Variants in SARM1 observed in about 807,000 individuals in gnomAD.
The protein encoded by SARM1 is sterile alpha and TIR motif containing 1, also known as NAD(+) hydrolase SARM1.
SARM1 carries 60 observed loss-of-function variants against 65.1 expected under a neutral mutation model. That is an observed-to-expected ratio of 0.92 (90% confidence interval 0.75 to 1.14). The LOEUF is 1.14. Among genes scored for constraint, SARM1 ranks in the 50% most tolerant of loss-of-function variants. SARM1 has a pLI of 0.00. For missense variants in SARM1, 913 were observed against 1,015.7 expected (o/e 0.90, Z 1.37); for synonymous variants, 417 against 465.4 (o/e 0.90, Z 1.34).
chr17:28,385,516 G>A lies in SARM1; in HGVS notation c.1630+241G>A. ...GGCTATTAAACAGGCAAGCGGCCCC[G>A]GCAGGAAGCTACCCAGGTCTCCAGT... is the stretch of plus-strand genomic sequence containing the variant. On this transcript the variant is annotated intron_variant, in intron 5 of 8. Transcript: ENST00000585482. The surrounding 1 kb of genome is among the most constrained non-coding windows in gnomAD (Gnocchi z 4.5). 3 of 543,838 alleles carry A rather than the reference G, an allele frequency of 5.5e-6. No individual in the cohort carries two copies. The highest frequency in any genetic ancestry group is 3.2e-5 in the East Asian group (1 of 31,570). The allele number at this position is 543,838 out of a possible 1,614,324, so 33.7% of individuals were successfully genotyped here.
intron 7 of SARM1, among the ~76,000 whole-genome samples, chr17:28,391,860 AG>A (rs1417498318): frequency 6.7e-6 from 1 of 148,342 alleles, no homozygotes; most frequent in African/African-American, 2.5e-5. Flanking sequence ...TAGATTTACC[AG>A]GTTAGAGGAC....
intron 7 of SARM1, among the ~76,000 whole-genome samples, chr17:28,392,628 G>A (rs782228900): frequency 1.6e-4 from 25 of 152,168 alleles, no homozygotes; most frequent in African/African-American, 2.4e-4. Context: ...TCAGAGGACC[G>A]GCCCCTCGTG....
In SARM1 at chr17:28,396,007, C is replaced by CT. The variant is rs1555587806; in HGVS notation, c.2028dup (p.Thr677TyrfsTer17). On this transcript the variant is annotated frameshift_variant, in exon 8 of 9. Coordinates refer to ENST00000585482, the MANE Select transcript of SARM1 (RefSeq NM_015077.4). LOFTEE classifies it high-confidence loss of function. The stretch of plus-strand genomic sequence containing the variant: ...CCTGCCTGAGGACATGCAGGCTGTG[C>CT]TTACTTTCAACGGTATCAAGTGAGC... 14 of 1,613,834 alleles carry CT rather than the reference C, an allele frequency of 8.7e-6. 1 individual carries two copies. The Admixed American group carries it at 2.0e-4, about 23-fold the overall frequency.
At position 28,372,402 on chromosome 17, in the gene SARM1, G is replaced by A. The variant is rs1555584195; in HGVS notation, c.370G>A (p.Gly124Ser). The A allele has an allele frequency of 2.0e-6, 3 of 1,528,920 alleles. No individual in the cohort carries two copies. The highest frequency in any genetic ancestry group is 2.0e-5 in the Admixed American group (1 of 50,756). The allele number at this position is 1,528,920 out of a possible 1,614,324, so 94.7% of individuals were successfully genotyped here. A position where few individuals can be genotyped will look rare whatever the true frequency, so the allele number is the denominator to read the frequency against. Residue 124 changes from glycine (G) to serine (S), a missense_variant, in exon 1 of 9, where the codon GGC (glycine) becomes AGC (serine). By Grantham distance (56) the Gly-to-Ser change is moderately conservative. Around this residue, in one of 3 missense-constraint regions of SARM1, gnomAD observed 862 missense variants for 952.1 expected, o/e 0.91. Transcript: ENST00000585482. The surrounding 1 kb of genome is among the most constrained non-coding windows in gnomAD (Gnocchi z 5.2). Reference sequence around the variant, plus strand: ...TCTGTGCGACGCCATCCGCCTCGATGGCGGCCTCGACCTGCTGTTGCGGCT... The same window carrying A: ...TCTGTGCGACGCCATCCGCCTCGATAGCGGCCTCGACCTGCTGTTGCGGCT... ...QGLCDAIRLD[G>S]GLDLLLRLLQ...
Position 28,384,509 on chromosome 17 carries a change from G to A in SARM1, c.1242G>A (p.Glu414=). Residue 414 remains glutamate (E), a synonymous_variant, in exon 3 of 9, where the codon GAG becomes GAA. Transcript: ENST00000585482. This position sits in a 1 kb window ranked among gnomAD's most constrained non-coding sequence, Gnocchi z 4.4. ...PILPSVPSWK[E]AEVQTWLQQI... is the part of the protein sequence containing the mutation. ...TGCCCTCCGTGCCCAGCTGGAAGGAGGCCGAGGTTCAGACGTGGCTGCAGC... is the reference window on the plus strand; with the variant it reads ...TGCCCTCCGTGCCCAGCTGGAAGGAAGCCGAGGTTCAGACGTGGCTGCAGC... 6.2e-7 allele frequency: 1 copy of A among 1,613,562 alleles called. No individual in the cohort carries two copies. The highest frequency in any genetic ancestry group is 1.7e-4 in the Middle Eastern group (1 of 5,960).
chr17:28,383,546 G>A (rs1555585563), intron 2 of SARM1, among the ~76,000 whole-genome samples: 2 of 152,192 alleles, frequency 1.3e-5, no homozygotes, highest in African/African-American at 4.8e-5. Context: ...CTTAAAGGAA[G>A]TAGGGAGTGA....
At chr17:28,382,541 T>G (rs1271410086) in intron 2 of SARM1, among the ~76,000 whole-genome samples, 1 of 152,162 alleles carries the variant, frequency 6.6e-6, no homozygotes, top group South Asian at 2.1e-4. Context: ...GTCCAGGGCC[T>G]AATCCACCAG....
Position 28,372,420 on chromosome 17 carries a change from T to C in SARM1, c.388T>C (p.Leu130=). 1 of 1,529,940 alleles carries C rather than the reference T, an allele frequency of 6.5e-7. No homozygotes were observed. The highest frequency in any genetic ancestry group is 8.7e-7 in the Non-Finnish European group (1 of 1,144,946). 94.8% of individuals were successfully genotyped at this position (1,529,940 alleles called of 1,614,324 possible). ...CCTCGATGGCGGCCTCGACCTGCTGTTGCGGCTGCTGCAGGCGCCGGAGTT... is the reference window on the plus strand; with the variant it reads ...CCTCGATGGCGGCCTCGACCTGCTGCTGCGGCTGCTGCAGGCGCCGGAGTT... ...IRLDGGLDLL[L]RLLQAPELET... The change falls in exon 1 of 9, where the codon TTG becomes CTG. Residue 130 remains leucine (L), a synonymous_variant. Transcript: ENST00000585482. The surrounding 1 kb of genome is among the most constrained non-coding windows in gnomAD (Gnocchi z 5.2).
chr17:28,381,445 G>A lies in SARM1; in HGVS notation c.713G>A (p.Gly238Asp), dbSNP rs782567398. The A allele has an allele frequency of 1.3e-6, 2 of 1,547,284 alleles. No individual in the cohort carries two copies. Among genetic ancestry groups the A allele is most frequent in the African/African-American group, 1.4e-5 (1 of 72,990 alleles). The part of the protein sequence containing the change: ...LALGNCALHG[G>D]QAVQRRMVEK... The stretch of plus-strand genomic sequence containing the variant: ...CTGGGCAACTGCGCGCTGCACGGGG[G>A]CCAGGCGGTGCAGCGACGCATGGTA... The change falls in exon 2 of 9, where the codon GGC becomes GAC. Residue 238 changes from glycine to aspartate, a missense_variant. Physicochemically the swap from Gly to Asp is moderately conservative, Grantham distance 94. This residue lies in a region of SARM1 where 862 missense variants were observed against 952.1 expected (regional missense o/e 0.91). Transcript: ENST00000585482.
At chr17:28,391,882 T>TG (rs1356928209) in intron 7 of SARM1, among the ~76,000 whole-genome samples, 2 of 146,662 alleles carry the variant, frequency 1.4e-5, no homozygotes, top group Admixed American at 6.8e-5. Context: ...TTGACTCCGT[T>TG]TTTTTTTTTT....
At chr17:28,377,086 G>A (rs2067995777) in intron 1 of SARM1, among the ~76,000 whole-genome samples, 1 of 152,166 alleles carries the variant, frequency 6.6e-6, no homozygotes, top group Admixed American at 6.5e-5. Context: ...TACCGCACCT[G>A]GCCACATTAG....
chr17:28,395,876 T>C, intron 7 of SARM1, 29 bp from the exon 8 acceptor site: 9 of 1,611,894 alleles, frequency 5.6e-6, no homozygotes, highest in Non-Finnish European at 7.6e-6. Flanking sequence ...GGTACAGGGG[T>C]ATCTTCCTCC....
chr17:28,373,756 A>G (rs1555584308), intron 1 of SARM1: 1 of 152,202 alleles, frequency 6.6e-6, no homozygotes, highest in East Asian at 1.9e-4. Context: ...ATCCCTGGAG[A>G]GTGAGTACAG....
chr17:28,388,546 G>C lies in SARM1; in HGVS notation c.1923+7G>C. ...CAAGGATTGGGTGCATAAGGTAGGT[G>C]CCTGCCTATGCTTCTGCGGTCCCAG... is the stretch of plus-strand genomic sequence containing the variant. On this transcript the variant is annotated splice_region_variant and intron_variant, in intron 7 of 8. Transcript: ENST00000585482. The C allele has an allele frequency of 6.2e-7, 1 of 1,611,054 alleles. No individual in the cohort carries two copies. Among genetic ancestry groups the C allele is most frequent in the Non-Finnish European group, 8.5e-7 (1 of 1,179,332 alleles).
intron 5 of SARM1, among the ~76,000 whole-genome samples, chr17:28,387,278 G>A (rs1177771075): frequency 6.6e-6 from 1 of 150,828 alleles, no homozygotes; most frequent in Non-Finnish European, 1.5e-5. Context: ...TGTCGCCCAG[G>A]CTAGAGTGCG....
Position 28,384,687 on chromosome 17 carries a change from G to C in SARM1, c.1302+118G>C, listed in dbSNP as rs1013711056. On this transcript the variant is annotated intron_variant, in intron 3 of 8. Transcript: ENST00000585482. This position sits in a 1 kb window ranked among gnomAD's most constrained non-coding sequence, Gnocchi z 4.4. ...CCAGGGTCGCTTTTGGGGGCGGGGA[G>C]CCTGTACGCAGCCACCGTTAGGGTC... 2 of 1,253,182 alleles carry C rather than the reference G, an allele frequency of 1.6e-6. No individual in the cohort carries two copies. The highest frequency in any genetic ancestry group is 3.0e-5 in the African/African-American group (2 of 66,866). The allele number at this position is 1,253,182 out of a possible 1,614,324, so 77.6% of individuals were successfully genotyped here. A position where few individuals can be genotyped will look rare whatever the true frequency, so the allele number is the denominator to read the frequency against.
At chr17:28,390,613 C>T (rs1420521980) in intron 7 of SARM1, among the ~76,000 whole-genome samples, 6 of 151,738 alleles carry the variant, frequency 4.0e-5, no homozygotes, top group African/African-American at 1.2e-4. Context: ...AAACCTCCTC[C>T]GATAAGACTT....
intron 1 of SARM1, among the ~76,000 whole-genome samples, chr17:28,380,343 A>T (rs1029873486): frequency 6.6e-6 from 1 of 152,070 alleles, no homozygotes; most frequent in Non-Finnish European, 1.5e-5. Flanking sequence ...TCTGCCTGTT[A>T]TGCTCCTCCC....
At chr17:28,381,889 G>A (rs2068027374) in intron 2 of SARM1, 68 bp downstream of exon 2, 3 of 1,378,656 alleles carry the variant, frequency 2.2e-6, no homozygotes, top group Admixed American at 7.1e-5. Flanking sequence ...CCCAGAGGAA[G>A]TCACATTCAA....
Sources: gnomAD v4.1 joint callset for allele counts (sites outside exome capture counted in the v4.1 genomes callset) on GRCh38, gnomAD v4.1.1 for gene constraint, gnomAD v4.1.1 regional missense constraint, Gnocchi (gnomAD v3.1) non-coding constraint, MANE v1.5 for transcripts, NCBI Gene and HGNC (gene_info 2026-07-23, HGNC 2026-07-21) for gene names.